Variants in NEAT1 observed in about 807,000 individuals in gnomAD.
NEAT1 encodes the protein nuclear paraspeckle assembly transcript 1.
At chr11:65,425,484 C>T (rs2134888065) in exon 1 of NEAT1, 1 of 152,264 alleles carries the variant, frequency 6.6e-6, no homozygotes, top group Admixed American at 6.5e-5. Context: ...AGATCAGCAT[C>T]CTTCGCTGCC....
At chr11:65,428,266 T>G (rs1856581749) in exon 1 of NEAT1, 1 of 152,170 alleles carries the variant, frequency 6.6e-6, no homozygotes, top group Non-Finnish European at 1.5e-5. Flanking sequence ...GAACTTCTTT[T>G]AAAAAGGAAA....
chr11:65,423,428 C>T (rs1856521989), exon 1 of NEAT1: 1 of 152,124 alleles, frequency 6.6e-6, no homozygotes. Flanking sequence ...AGGCCGGGCC[C>T]AGCCTGGTGG....
rs945110977 is a variant in NEAT1 at position 65,424,380 on chromosome 11, T to G, written n.1583T>G. ...CATACTAGTTTTGTGCTTGGAACCT[T>G]GCTTCAAGAAGATCCCTAAGCTGTA... On this transcript the variant is annotated non_coding_transcript_exon_variant, in exon 1 of 1. Transcript: ENST00000501122. 5.3e-5 allele frequency: 8 copies of G among 152,330 alleles called. No homozygotes were observed. The East Asian group carries it at 1.5e-3, about 29-fold the overall frequency. The allele number at this position is 152,330 out of a possible 1,614,324, so 9.4% of individuals were successfully genotyped here.
exon 1 of NEAT1, chr11:65,435,911 C>T (rs555196169): frequency 3.7e-4 from 57 of 152,348 alleles, no homozygotes; most frequent in Non-Finnish European, 1.6e-4. Context: ...TCTAGGAAAG[C>T]GTCTGTGACA....
exon 1 of NEAT1, chr11:65,442,280 A>G (rs1856721363): frequency 6.6e-6 from 1 of 152,146 alleles, no homozygotes; most frequent in African/African-American, 2.4e-5. Context: ...TGCACAAATC[A>G]TTAGTTAAGG....
At chr11:65,444,346 TG>T in exon 1 of NEAT1, 1 of 425,124 alleles carries the variant, frequency 2.4e-6, no homozygotes, top group African/African-American at 2.2e-5. Context: ...TGTGGAGAAA[TG>T]GGGGGCTGAT....
chr11:65,426,821 TG>T (rs1315556916), exon 1 of NEAT1: 3 of 152,174 alleles, frequency 2.0e-5, no homozygotes, highest in African/African-American at 4.8e-5. Flanking sequence ...GGGAGTACTT[TG>T]CCATAATATT....
At chr11:65,425,524 CTG>C (rs1306822828) in exon 1 of NEAT1, 1 of 152,178 alleles carries the variant, frequency 6.6e-6, no homozygotes, top group Admixed American at 6.5e-5. Context: ...TGATTTGAAA[CTG>C]TGAAGGTGTG....
At chr11:65,434,084 G>C (rs1467318668) in exon 1 of NEAT1, 1 of 152,140 alleles carries the variant, frequency 6.6e-6, no homozygotes, top group Non-Finnish European at 1.5e-5. Flanking sequence ...GTAAGATTCA[G>C]CCCTTGCCCA....
exon 1 of NEAT1, chr11:65,439,368 T>C (rs1163227959): frequency 1.3e-5 from 2 of 152,212 alleles, no homozygotes; most frequent in African/African-American, 2.4e-5. Context: ...CTTAGACATA[T>C]AATAAATTTG....
exon 1 of NEAT1, chr11:65,442,216 A>C (rs2134908594): frequency 6.6e-6 from 1 of 151,954 alleles, no homozygotes; most frequent in East Asian, 1.9e-4. Flanking sequence ...TTCAGCTGAC[A>C]GCCTCGCCTT....
exon 1 of NEAT1, chr11:65,429,596 C>G (rs772067652): frequency 1.1e-4 from 16 of 151,838 alleles, no homozygotes; most frequent in African/African-American, 3.9e-4. Context: ...TATTGATAAT[C>G]TTTTGTTATA....
exon 1 of NEAT1, chr11:65,433,774 A>G (rs972330814): frequency 6.6e-6 from 1 of 151,356 alleles, no homozygotes; most frequent in African/African-American, 2.4e-5. Context: ...TTGGGGTACA[A>G]ATGGCTTTTG....
exon 1 of NEAT1, chr11:65,427,537 C>T (rs1434305866): frequency 6.6e-6 from 1 of 152,146 alleles, no homozygotes; most frequent in Non-Finnish European, 1.5e-5. Context: ...TACTGACAAA[C>T]GGGTGGAGTG....
At chr11:65,425,411 G>C (rs928212978) in exon 1 of NEAT1, 2 of 152,050 alleles carry the variant, frequency 1.3e-5, no homozygotes, top group African/African-American at 2.4e-5. Context: ...TTTTGTTTGG[G>C]GTGTGGGTGT....
exon 1 of NEAT1, chr11:65,444,263 CTGTGTGTGTGTGTGTGTGTGTGTG>C (rs66756887): frequency 0.15 from 37,161 of 254,618 alleles, 1,732 homozygotes; most frequent in Middle Eastern, 0.18. Context: ...AGTCCTCAGA[CTGTGTGTGTGTGTGTGTGTGTGTG>C]TGTGTGTGTG....
exon 1 of NEAT1, chr11:65,435,345 C>T (rs953855687): frequency 3.3e-5 from 5 of 152,206 alleles, no homozygotes; most frequent in African/African-American, 1.2e-4. Flanking sequence ...TTCCTTCAGA[C>T]ATTTTCTGGC....
chr11:65,444,565 A>G (rs747069674), exon 1 of NEAT1: 50 of 482,006 alleles, frequency 1.0e-4, no homozygotes, highest in African/African-American at 9.1e-4. Flanking sequence ...TCAAATGAGG[A>G]CAGCAGAGCT....
exon 1 of NEAT1, chr11:65,435,480 T>C (rs1051923721): frequency 2.0e-5 from 3 of 152,206 alleles, no homozygotes; most frequent in Non-Finnish European, 4.4e-5. Flanking sequence ...ATTTTAACCA[T>C]TTTTCTAGTG....
Sources: allele counts gnomAD v4.1 joint callset, GRCh38; gene constraint gnomAD v4.1.1; transcripts MANE v1.5; gene names NCBI Gene and HGNC (gene_info 2026-07-23, HGNC 2026-07-21).